Variants in QNG1 observed in about 807,000 individuals in gnomAD.
QNG1 encodes the protein Q-nucleotide N-glycosylase 1.
the QNG1 span, among the ~76,000 whole-genome samples, chr9:83,945,930 T>C: frequency 2.0e-5 from 3 of 152,106 alleles, no homozygotes; most frequent in Admixed American, 1.3e-4. Flanking sequence ...AATGTGTAGA[T>C]AGCATTCCTT....
the QNG1 span, among the ~76,000 whole-genome samples, chr9:83,949,836 C>T: frequency 6.6e-6 from 1 of 151,576 alleles, no homozygotes; most frequent in Non-Finnish European, 1.5e-5. Context: ...CATAGCAACC[C>T]ACATGGAAAA....
chr9:83,956,439 A>G, the QNG1 span: 1 of 1,554,152 alleles, frequency 6.4e-7, no homozygotes, highest in South Asian at 1.2e-5. Context: ...GTCAATAAAC[A>G]CATCCCGACT....
the QNG1 span, among the ~76,000 whole-genome samples, chr9:83,952,779 A>G: frequency 6.8e-6 from 1 of 146,496 alleles, no homozygotes; most frequent in Non-Finnish European, 1.5e-5. Context: ...TGGGTGACAG[A>G]GCAAGACTCC....
the QNG1 span, among the ~76,000 whole-genome samples, chr9:83,940,265 C>A: frequency 6.6e-6 from 1 of 151,952 alleles, no homozygotes; most frequent in Non-Finnish European, 1.5e-5. Context: ...ATTAGCCAGG[C>A]ATGGTGGTAT....
At chr9:83,952,649 G>C in the QNG1 span, among the ~76,000 whole-genome samples, 1 of 152,018 alleles carries the variant, frequency 6.6e-6, no homozygotes, top group Non-Finnish European at 1.5e-5. Flanking sequence ...AAAAAAATTA[G>C]CCGCGCGTGG....
chr9:83,947,774 C>T, the QNG1 span, among the ~76,000 whole-genome samples: 36,216 of 152,124 alleles, frequency 0.24, 4,807 homozygotes, highest in African/African-American at 0.33. Context: ...CTGGGCCTCC[C>T]GAGGTGCCGG....
the QNG1 span, chr9:83,945,066 G>A: frequency 4.3e-6 from 5 of 1,175,252 alleles, no homozygotes; most frequent in Non-Finnish European, 5.9e-6. Flanking sequence ...AGGTGCAGTT[G>A]AAACATTTTT....
the QNG1 span, chr9:83,953,737 A>T: frequency 7.1e-7 from 1 of 1,409,094 alleles, no homozygotes; most frequent in Non-Finnish European, 9.8e-7. Context: ...GGCTCACTGC[A>T]ACCTCCCCCT....
chr9:83,944,674 C>A, the QNG1 span: 2 of 717,494 alleles, frequency 2.8e-6, no homozygotes, highest in Non-Finnish European at 4.5e-6. Flanking sequence ...TTCCTTTTTA[C>A]ATATACTATG....
chr9:83,939,087 T>G, the QNG1 span: 9 of 175,590 alleles, frequency 5.1e-5, no homozygotes, highest in African/African-American at 7.4e-5. Context: ...TGTTGTTGTT[T>G]TTTGAGACAA....
chr9:83,955,820 A>G, the QNG1 span, among the ~76,000 whole-genome samples: 1 of 152,130 alleles, frequency 6.6e-6, no homozygotes, highest in Non-Finnish European at 1.5e-5. Context: ...GTACTTATTC[A>G]CCCATTTCTA....
chr9:83,956,191 C>T, the QNG1 span: 2 of 1,612,152 alleles, frequency 1.2e-6, no homozygotes, highest in Non-Finnish European at 8.5e-7. Flanking sequence ...TTGACGGCGG[C>T]GCACAGGGAC....
At chr9:83,951,390 A>C in the QNG1 span, among the ~76,000 whole-genome samples, 26 of 152,248 alleles carry the variant, frequency 1.7e-4, no homozygotes, top group African/African-American at 6.3e-4. Context: ...GTAAAACCCC[A>C]TCTCTACTAA....
the QNG1 span, chr9:83,953,814 A>C: frequency 6.5e-7 from 1 of 1,549,442 alleles, no homozygotes; most frequent in Non-Finnish European, 8.7e-7. Context: ...GTGAGGGTCC[A>C]ACAAAATGAT....
At chr9:83,955,246 C>T in the QNG1 span, 1 of 907,368 alleles carries the variant, frequency 1.1e-6, no homozygotes, top group South Asian at 1.8e-5. Context: ...TGAAACACTA[C>T]TTGATTTTGT....
the QNG1 span, among the ~76,000 whole-genome samples, chr9:83,941,930 G>A: frequency 6.6e-6 from 1 of 151,854 alleles, no homozygotes; most frequent in Non-Finnish European, 1.5e-5. Flanking sequence ...AAGAAAAGAG[G>A]ATACAAAGAG....
the QNG1 span, chr9:83,955,664 G>C: frequency 6.2e-7 from 1 of 1,604,638 alleles, no homozygotes; most frequent in Middle Eastern, 1.7e-4. Context: ...ATAAAATTCA[G>C]AGGACCAATG....
chr9:83,944,312 T>C, the QNG1 span, among the ~76,000 whole-genome samples: 1 of 152,216 alleles, frequency 6.6e-6, no homozygotes, highest in African/African-American at 2.4e-5. Context: ...ATAAGGCTCC[T>C]AGTCTTGATA....
chr9:83,951,099 C>T, the QNG1 span, among the ~76,000 whole-genome samples: 9 of 152,072 alleles, frequency 5.9e-5, no homozygotes, highest in African/African-American at 1.9e-4. Flanking sequence ...TGGTGAAACC[C>T]TGCCTCTACA....
Sources: gnomAD v4.1 joint callset for allele counts (sites outside exome capture counted in the v4.1 genomes callset) on GRCh38, gnomAD v4.1.1 for gene constraint, MANE v1.5 for transcripts, NCBI Gene and HGNC (gene_info 2026-07-23, HGNC 2026-07-21) for gene names.